The following FABP12 variants were observed in gnomAD, a reference collection of about 807,000 sequenced individuals.
The protein encoded by FABP12 is fatty acid-binding protein 12.
Under a neutral mutation model 13.7 loss-of-function variants are expected in FABP12, and 19 were observed. The ratio of observed to expected loss-of-function variants is 1.39; its 90% CI spans 0.97 to 2.04. FABP12 has a LOEUF of 2.04. Among genes scored for constraint, FABP12 ranks in the 30% most tolerant of loss-of-function variants. The pLI, the probability that FABP12 is intolerant of heterozygous loss-of-function variation, is 0.00. For missense variants in FABP12, 182 were observed against 164.2 expected, an observed-to-expected ratio of 1.11 and a Z score of -0.59; for synonymous variants, 61 against 57.0, an observed-to-expected ratio of 1.07 and a Z score of -0.32.
intron 1 of FABP12, among the ~76,000 whole-genome samples, chr8:81,542,442 A>G (rs1809366537): frequency 1.3e-5 from 2 of 152,166 alleles, no homozygotes; most frequent in South Asian, 4.1e-4. Context: ...GGGAACAGGA[A>G]GACCAGCAGT....
upstream of FABP12, among the ~76,000 whole-genome samples, chr8:81,534,558 G>GTTCA (rs1809175187): frequency 6.6e-6 from 1 of 152,084 alleles, no homozygotes; most frequent in African/African-American, 2.4e-5. Context: ...GCCACTTCTT[G>GTTCA]TTCATCCTGC....
intron 1 of FABP12, among the ~76,000 whole-genome samples, chr8:81,545,740 T>C (rs182105810): frequency 6.6e-6 from 1 of 152,330 alleles, no homozygotes; most frequent in East Asian, 1.9e-4. Flanking sequence ...AGATTCCAAA[T>C]AGTGTTTTAA....
intron 1 of FABP12, among the ~76,000 whole-genome samples, chr8:81,569,232 A>G (rs1208702479): frequency 2.0e-5 from 3 of 152,220 alleles, no homozygotes; most frequent in Non-Finnish European, 4.4e-5. Context: ...AAATATATAT[A>G]TCTGATATAT....
chr8:81,539,061 C>A (rs1809286305), intron 2 of FABP12, among the ~76,000 whole-genome samples: 1 of 152,106 alleles, frequency 6.6e-6, no homozygotes, highest in Non-Finnish European at 1.5e-5. Flanking sequence ...GTTGGCCAGG[C>A]TGGTCTCAAA....
At chr8:81,528,965 C>T (rs950480843) in intron 3 of FABP12, among the ~76,000 whole-genome samples, 5 of 152,036 alleles carry the variant, frequency 3.3e-5, no homozygotes, top group Admixed American at 1.3e-4. Flanking sequence ...CCAATGCCAC[C>T]CAACACTACG....
intron 1 of FABP12, among the ~76,000 whole-genome samples, chr8:81,563,236 C>T (rs917608105): frequency 2.0e-5 from 3 of 152,232 alleles, no homozygotes; most frequent in African/African-American, 4.8e-5. Flanking sequence ...TACCCCTAAA[C>T]AGATACAGCT....
chr8:81,553,462 T>A (rs1193451214), intron 1 of FABP12, among the ~76,000 whole-genome samples: 4 of 152,214 alleles, frequency 2.6e-5, no homozygotes, highest in Non-Finnish European at 5.9e-5. Flanking sequence ...TTTCACTTGA[T>A]ATGGTAAAGT....
chr8:81,529,634 T>C (rs2129940566), intron 2 of FABP12, 24 bp from the exon 3 acceptor site: 1 of 1,596,376 alleles, frequency 6.3e-7, no homozygotes, highest in Non-Finnish European at 8.5e-7. Flanking sequence ...AAAAGGAGTA[T>C]TATCTTTTTG....
upstream of FABP12, among the ~76,000 whole-genome samples, chr8:81,534,434 G>A (rs1427176858): frequency 1.3e-5 from 2 of 152,136 alleles, no homozygotes; most frequent in Non-Finnish European, 2.9e-5. Flanking sequence ...TTCCTTATAT[G>A]TCCCTGGTCA....
chr8:81,544,105 T>C (rs1809396292), intron 1 of FABP12, among the ~76,000 whole-genome samples: 1 of 152,128 alleles, frequency 6.6e-6, no homozygotes, highest in South Asian at 2.1e-4. Flanking sequence ...TACAGAACTA[T>C]GGGGAAAACT....
intron 1 of FABP12, among the ~76,000 whole-genome samples, chr8:81,585,513 G>A (rs1810227636): frequency 6.6e-6 from 1 of 152,142 alleles, no homozygotes; most frequent in Non-Finnish European, 1.5e-5. Flanking sequence ...GTCAGGTAGT[G>A]TGATGCTTCC....
intron 1 of FABP12, among the ~76,000 whole-genome samples, chr8:81,547,560 T>C (rs1289643689): frequency 5.9e-5 from 9 of 152,226 alleles, no homozygotes. Flanking sequence ...GCATATCCTG[T>C]GATTAATATT....
intron 1 of FABP12, among the ~76,000 whole-genome samples, chr8:81,574,885 C>T (rs1025685191): frequency 6.6e-6 from 1 of 150,852 alleles, no homozygotes; most frequent in Non-Finnish European, 1.5e-5. Context: ...TTTTATTTAT[C>T]TTTTAAAGAA....
At chr8:81,570,532 C>T (rs1268235649) in intron 1 of FABP12, among the ~76,000 whole-genome samples, 3 of 152,086 alleles carry the variant, frequency 2.0e-5, no homozygotes, top group Non-Finnish European at 4.4e-5. Flanking sequence ...GCAGAGAGGG[C>T]AGCTCCTCTC....
At chr8:81,543,796 A>G (rs1809391327) in intron 1 of FABP12, among the ~76,000 whole-genome samples, 2 of 150,018 alleles carry the variant, frequency 1.3e-5, no homozygotes, top group Admixed American at 1.3e-4. Flanking sequence ...AATATGTTCA[A>G]CAGGGACTTG....
intron 3 of FABP12, among the ~76,000 whole-genome samples, 165 bp from the exon 4 acceptor site, chr8:81,527,286 C>G (rs11992576): frequency 0.084 from 12,703 of 152,118 alleles, 1,058 homozygotes; most frequent in African/African-American, 0.21. Flanking sequence ...AAAATTGTTG[C>G]CTAATTCTGC....
At chr8:81,569,216 C>A (rs962973518) in intron 1 of FABP12, among the ~76,000 whole-genome samples, 1 of 152,034 alleles carries the variant, frequency 6.6e-6, no homozygotes, top group Admixed American at 6.5e-5. Context: ...ATCTCATGTA[C>A]CTCATAAATA....
chr8:81,566,444 CAA>C (rs1431242212), intron 1 of FABP12, among the ~76,000 whole-genome samples: 2 of 151,980 alleles, frequency 1.3e-5, no homozygotes, highest in African/African-American at 2.4e-5. Flanking sequence ...CCAAATTTAA[CAA>C]TACATTAAAA....
intron 1 of FABP12, among the ~76,000 whole-genome samples, chr8:81,570,010 T>C (rs1809896816): frequency 6.6e-6 from 1 of 152,072 alleles, no homozygotes; most frequent in Non-Finnish European, 1.5e-5. Flanking sequence ...GAGCATGGGG[T>C]CTGGCCACTG....
Sources: gnomAD v4.1 joint callset for allele counts (sites outside exome capture counted in the v4.1 genomes callset) on GRCh38, gnomAD v4.1.1 for gene constraint, MANE v1.5 for transcripts, NCBI Gene and HGNC (gene_info 2026-07-23, HGNC 2026-07-21) for gene names.